TRIM37: variants seen among roughly 807,000 people sequenced by gnomAD.
TRIM37 encodes the protein tripartite motif containing 37, also known as E3 ubiquitin-protein ligase TRIM37.
TRIM37 carries 80 observed loss-of-function variants against 129.8 expected under a neutral mutation model. The ratio of observed to expected loss-of-function variants is 0.62; its 90% CI spans 0.51 to 0.74. TRIM37 has a LOEUF of 0.74. Ranked by LOEUF, TRIM37 falls within the 30% of genes least tolerant of loss-of-function variation. The pLI is 0.00. For synonymous variants in TRIM37, 389 were observed against 387.1 expected, an observed-to-expected ratio of 1.00 and a Z score of -0.06; for missense variants, 1,054 against 1,176.5, an observed-to-expected ratio of 0.90 and a Z score of 1.52.
At chr17:59,071,498 A>G (rs957018331) in intron 8 of TRIM37, among the ~76,000 whole-genome samples, 1 of 151,814 alleles carries the variant, frequency 6.6e-6, no homozygotes, top group East Asian at 1.9e-4. Context: ...TGTTGGTCAC[A>G]CTGGTCTTGA....
chr17:59,028,419 T>G lies in TRIM37; in HGVS notation c.2253A>C (p.Arg751=). ...CACTGGGAACATATTACTTACAGTTTCGTATGTAACAATTGGCAACTGATG... is the reference window on the plus strand; with the variant it reads ...CACTGGGAACATATTACTTACAGTTGCGTATGTAACAATTGGCAACTGATG... The part of the protein sequence containing the change: ...AKSSVANCYI[R]NSTNKKSNSP... Residue 751 remains arginine (R), a synonymous_variant, in exon 19 of 24, where the codon CGA becomes CGC. Coordinates refer to ENST00000262294, the MANE Select transcript of TRIM37 (RefSeq NM_015294.6). 6.2e-7 allele frequency: 1 copy of G among 1,611,594 alleles called. No individual in the cohort carries two copies. Among genetic ancestry groups the G allele is most frequent in the Non-Finnish European group, 8.5e-7 (1 of 1,179,868 alleles).
At chr17:58,985,732 A>G (rs1174142581) in intron 24 of TRIM37, among the ~76,000 whole-genome samples, 1 of 152,292 alleles carries the variant, frequency 6.6e-6, no homozygotes, top group East Asian at 1.9e-4. Context: ...TTGTCAATAC[A>G]CTGCACTGTT....
In TRIM37 at chr17:58,982,990, T is replaced by TA. The variant is rs935848969; in HGVS notation, c.2892-70dup. Reference sequence around the variant, plus strand: ...TTATAGTCCAAAGTGCTTAGCGAAGTAAAAAAAAAAGCTTTTTAAAATTTC... The same window carrying TA: ...TTATAGTCCAAAGTGCTTAGCGAAGTAAAAAAAAAAAGCTTTTTAAAATTTC... On this transcript the variant is annotated intron_variant, in intron 24 of 24. Coordinates refer to the TRIM37 transcript ENST00000393066. 4,588 of 1,246,990 alleles carry TA rather than the reference T, an allele frequency of 3.7e-3. 2 individuals carry two copies. Among genetic ancestry groups the TA allele is most frequent in the African/African-American group, 8.7e-3 (553 of 63,796 alleles). The allele number at this position is 1,246,990 out of a possible 1,614,324, so 77.2% of individuals were successfully genotyped here. A position where few individuals can be genotyped will look rare whatever the true frequency, so the allele number is the denominator to read the frequency against.
intron 2 of TRIM37, among the ~76,000 whole-genome samples, chr17:59,097,298 A>G (rs1011827939): frequency 2.0e-5 from 3 of 152,214 alleles, no homozygotes; most frequent in Non-Finnish European, 4.4e-5. Flanking sequence ...CAGAGTACTT[A>G]GGCAAGATAA....
chr17:59,074,861 T>C lies in TRIM37; in HGVS notation c.684+786A>G, dbSNP rs569506958. 9.2e-5 allele frequency among the ~76,000 whole-genome samples: 14 copies of C among 152,336 alleles called. No individual in the cohort carries two copies. The South Asian group carries it at 2.7e-3, about 29-fold the overall frequency. On this transcript the variant is annotated intron_variant, in intron 8 of 23. Coordinates refer to ENST00000262294, the MANE Select transcript of TRIM37 (RefSeq NM_015294.6). ...CATATTCACCCACCCTAATCTAAAA[T>C]ATAAACTCTATGAGGACAGAATTTT...
rs773553955 is a variant in TRIM37, at chr17:59,028,587, T to C, written c.2085A>G (p.Thr695=). 1 of 1,614,250 alleles carries C rather than the reference T, an allele frequency of 6.2e-7. No homozygotes were observed. The highest frequency in any genetic ancestry group is 1.1e-5 in the South Asian group (1 of 91,088). Residue 695 remains threonine, a synonymous_variant, in exon 19 of 24, where the codon ACA becomes ACG. Coordinates refer to ENST00000262294, the MANE Select transcript of TRIM37 (RefSeq NM_015294.6). ...VRCMKTDVKN[T]LSEIKSSSAA... Reference sequence around the variant, plus strand: ...CACTGCTGCTTTTTATTTCTGAAAGTGTATTCTTTACATCAGTTTTCATAC... The same window carrying C: ...CACTGCTGCTTTTTATTTCTGAAAGCGTATTCTTTACATCAGTTTTCATAC...
intron 11 of TRIM37, among the ~76,000 whole-genome samples, chr17:59,061,594 CT>C (rs1404982253): frequency 7.3e-4 from 111 of 152,046 alleles, no homozygotes; most frequent in Non-Finnish European, 4.1e-4. Context: ...TTGTTTAAAT[CT>C]CTACTATAGA....
chr17:59,069,360 A>T (rs1401763023), intron 9 of TRIM37, among the ~76,000 whole-genome samples: 1 of 151,944 alleles, frequency 6.6e-6, no homozygotes, highest in Non-Finnish European at 1.5e-5. Flanking sequence ...ATAAATAAAT[A>T]AAATAATAAA....
intron 2 of TRIM37, among the ~76,000 whole-genome samples, chr17:59,093,143 C>G (rs2044550449): frequency 6.6e-6 from 1 of 152,030 alleles, no homozygotes; most frequent in Non-Finnish European, 1.5e-5. Context: ...GAGCATGATT[C>G]TGTCTCAAAA....
At chr17:59,017,580 CT>C (rs2145151204) in intron 19 of TRIM37, among the ~76,000 whole-genome samples, 156 bp from the exon 20 acceptor site, 1 of 152,156 alleles carries the variant, frequency 6.6e-6, no homozygotes. Context: ...TTGGTTTAGA[CT>C]TTTGTCATAA....
chr17:59,014,371 T>C (rs567764622), intron 21 of TRIM37, among the ~76,000 whole-genome samples: 2 of 152,186 alleles, frequency 1.3e-5, no homozygotes, highest in African/African-American at 4.8e-5. Flanking sequence ...ATAAAATAGA[T>C]AAGCAGATGG....
intron 8 of TRIM37, among the ~76,000 whole-genome samples, chr17:59,073,349 A>G (rs1230073671): frequency 1.3e-5 from 2 of 151,538 alleles, no homozygotes; most frequent in Non-Finnish European, 2.9e-5. Context: ...GCTGGAGTGC[A>G]GTGGCACGAT....
chr17:59,017,432 G>A lies in TRIM37; in HGVS notation c.2258-8C>T, dbSNP rs1441248924. 4 of 1,613,812 alleles carry A rather than the reference G, an allele frequency of 2.5e-6. No homozygotes were observed. The highest frequency in any genetic ancestry group is 3.4e-6 in the Non-Finnish European group (4 of 1,179,798). On this transcript the variant is annotated splice_region_variant and splice_polypyrimidine_tract_variant and intron_variant, in intron 19 of 23. Transcript: ENST00000262294. Reference sequence around the variant, plus strand: ...TACTCTTCTTATTTGTGGCTGCAAAGACATTTAAGAACACCTCTGAATAGG... The same window carrying A: ...TACTCTTCTTATTTGTGGCTGCAAAAACATTTAAGAACACCTCTGAATAGG...
intron 17 of TRIM37, among the ~76,000 whole-genome samples, chr17:59,038,787 C>T (rs552775861): frequency 6.6e-6 from 1 of 152,272 alleles, no homozygotes; most frequent in Non-Finnish European, 1.5e-5. Flanking sequence ...CACACGCTCC[C>T]TATACTTAAA....
At chr17:58,972,684 A>G in the TRIM37 span, 1 of 693,856 alleles carries the variant, frequency 1.4e-6, no homozygotes, top group South Asian at 1.8e-5. Context: ...TATTGCTATC[A>G]CATCAGCAAC....
the TRIM37 span, chr17:58,972,293 T>C: frequency 7.7e-5 from 124 of 1,606,430 alleles, no homozygotes; most frequent in Non-Finnish European, 9.3e-5. Context: ...TGGTCTGTTT[T>C]AATAGAGCCC....
intron 4 of TRIM37, among the ~76,000 whole-genome samples, chr17:59,086,818 G>C (rs995476930): frequency 1.3e-5 from 2 of 152,076 alleles, no homozygotes; most frequent in Non-Finnish European, 2.9e-5. Flanking sequence ...GAGGCCAGTA[G>C]GCATCAAACA....
intron 23 of TRIM37, among the ~76,000 whole-genome samples, chr17:58,999,708 A>G (rs1256009874): frequency 6.6e-6 from 1 of 152,216 alleles, no homozygotes; most frequent in African/African-American, 2.4e-5. Context: ...AGATGACAGG[A>G]ATTGTCTCAT....
At chr17:59,023,994 A>G (rs1399497608) in intron 19 of TRIM37, among the ~76,000 whole-genome samples, 1 of 151,994 alleles carries the variant, frequency 6.6e-6, no homozygotes, top group Non-Finnish European at 1.5e-5. Context: ...TGGGTGGATC[A>G]CCTGAGGTCA....
Sources: gnomAD v4.1 joint callset for allele counts (sites outside exome capture counted in the v4.1 genomes callset) on GRCh38, gnomAD v4.1.1 for gene constraint, MANE v1.5 for transcripts, NCBI Gene and HGNC (gene_info 2026-07-23, HGNC 2026-07-21) for gene names.